The following NUMB variants were observed in gnomAD, a reference collection of about 807,000 sequenced individuals.
NUMB encodes protein numb homolog.
A neutral mutation model predicts 59.7 loss-of-function variants in NUMB; 29 were observed. That is an observed-to-expected ratio of 0.49 (90% confidence interval 0.36 to 0.66). The LOEUF (loss-of-function observed/expected upper bound fraction) is 0.66. NUMB is among the 30% of genes least tolerant of loss of function. The pLI is 0.00. For synonymous variants in NUMB, 288 were observed against 288.2 expected, an observed-to-expected ratio of 1.00 and a Z score of 0.01; for missense variants, 723 against 822.0, an observed-to-expected ratio of 0.88 and a Z score of 1.47.
rs569608969 is a variant in NUMB, at chr14:73,345,814, A to G, written c.126+9812T>C. ...TCCCAGCTACTCAGGAGGCTGAGGCAGGACAATCACTTGAACCCAGCAGGC... is the reference window on the plus strand; with the variant it reads ...TCCCAGCTACTCAGGAGGCTGAGGCGGGACAATCACTTGAACCCAGCAGGC... On this transcript the variant is annotated intron_variant, in intron 4 of 12. Coordinates refer to ENST00000555238, the MANE Select transcript of NUMB (RefSeq NM_001005743.2). Among the ~76,000 whole-genome samples, 34 of 152,192 alleles carry G rather than the reference A, an allele frequency of 2.2e-4. 1 individual carries two copies. The South Asian group carries it at 6.8e-3, about 31-fold the overall frequency.
At chr14:73,346,353 G>A (rs529391881) in intron 4 of NUMB, among the ~76,000 whole-genome samples, 1 of 151,832 alleles carries the variant, frequency 6.6e-6, no homozygotes, top group East Asian at 1.9e-4. Flanking sequence ...GGTGACACAT[G>A]TCTGTAATCC....
intron 2 of NUMB, among the ~76,000 whole-genome samples, chr14:73,379,254 G>A (rs908427946): frequency 3.3e-5 from 5 of 152,060 alleles, no homozygotes; most frequent in Non-Finnish European, 4.4e-5. Context: ...GGGAAAGCAC[G>A]TAAGTGTTGC....
At chr14:73,404,589 G>C (rs2140122680) in intron 2 of NUMB, among the ~76,000 whole-genome samples, 1 of 152,224 alleles carries the variant, frequency 6.6e-6, no homozygotes. Flanking sequence ...GGGATATACA[G>C]ATGTTCAACA....
At chr14:73,376,401 T>C (rs1435837983) in intron 2 of NUMB, among the ~76,000 whole-genome samples, 1 of 151,930 alleles carries the variant, frequency 6.6e-6, no homozygotes, top group Non-Finnish European at 1.5e-5. Flanking sequence ...TCTAAATAAA[T>C]GGAGAGACAT....
chr14:73,319,695 C>T (rs759086842), intron 5 of NUMB, among the ~76,000 whole-genome samples: 6 of 151,958 alleles, frequency 3.9e-5, no homozygotes, highest in East Asian at 1.9e-4. Context: ...CAAAAGGCAA[C>T]GAGAAATTTC....
intron 12 of NUMB, 56 bp from the exon 13 acceptor site, chr14:73,277,349 T>C: frequency 7.6e-7 from 1 of 1,313,220 alleles, no homozygotes; most frequent in East Asian, 2.5e-5. Context: ...TTTCCTCACC[T>C]TATAATCTTG....
At chr14:73,362,347 C>T (rs1894137112) in intron 3 of NUMB, among the ~76,000 whole-genome samples, 2 of 151,870 alleles carry the variant, frequency 1.3e-5, no homozygotes, top group Admixed American at 6.6e-5. Context: ...GAGACGATTC[C>T]CAGTTCCAGA....
chr14:73,440,821 C>G (rs1883008356), intron 1 of NUMB, among the ~76,000 whole-genome samples: 1 of 126,336 alleles, frequency 7.9e-6, no homozygotes, highest in African/African-American at 3.2e-5. Flanking sequence ...GAGCGAGACT[C>G]CGTCTCAAAA....
At chr14:73,356,229 TTCTG>T (rs1893774223) in intron 3 of NUMB, among the ~76,000 whole-genome samples, 3 of 152,212 alleles carry the variant, frequency 2.0e-5, no homozygotes, top group Admixed American at 2.0e-4. Context: ...AAAAAAATCA[TTCTG>T]AAACACTAAA....
intron 4 of NUMB, among the ~76,000 whole-genome samples, chr14:73,350,070 T>TACACACACGCACAC (rs765736029): frequency 9.1e-6 from 1 of 110,198 alleles, no homozygotes; most frequent in African/African-American, 4.0e-5. Context: ...TATACATACA[T>TACACACACGCACAC]ACATACATAC....
Position 73,411,889 on chromosome 14 carries a change from T to C in NUMB, c.-232-1821A>G, listed in dbSNP as rs138408647. Reference sequence around the variant, plus strand: ...TTCACCAGACAATGCAATAGTGCTGTTCCTGAATAAGAAGACAAGCAGCAA... The same window carrying C: ...TTCACCAGACAATGCAATAGTGCTGCTCCTGAATAAGAAGACAAGCAGCAA... On this transcript the variant is annotated intron_variant, in intron 1 of 12. Transcript: ENST00000555238. 4.2e-4 allele frequency among the ~76,000 whole-genome samples: 64 copies of C among 151,790 alleles called. 1 individual carries two copies. The highest frequency in any genetic ancestry group is 1.5e-3 in the African/African-American group (63 of 41,464).
At chr14:73,349,878 CAA>C (rs1282927106) in intron 4 of NUMB, among the ~76,000 whole-genome samples, 3 of 148,764 alleles carry the variant, frequency 2.0e-5, no homozygotes, top group African/African-American at 7.4e-5. Context: ...GACTCCGTCT[CAA>C]GAAAAAAAAC....
At chr14:73,403,656 A>G (rs1044689726) in intron 2 of NUMB, among the ~76,000 whole-genome samples, 5 of 152,222 alleles carry the variant, frequency 3.3e-5, no homozygotes, top group Non-Finnish European at 7.3e-5. Context: ...GAACAATAAT[A>G]TAAGCCTTCA....
chr14:73,365,364 A>C (rs781441810), intron 3 of NUMB, among the ~76,000 whole-genome samples: 6 of 152,192 alleles, frequency 3.9e-5, no homozygotes, highest in Non-Finnish European at 5.9e-5. Flanking sequence ...TTATGGAAAA[A>C]AGAGAAAGCG....
intron 5 of NUMB, among the ~76,000 whole-genome samples, chr14:73,319,365 C>T (rs1247926220): frequency 1.5e-4 from 23 of 152,152 alleles, no homozygotes; most frequent in Admixed American, 1.5e-3. Flanking sequence ...AGCTGCCTTC[C>T]AAAGATCATT....
intron 1 of NUMB, among the ~76,000 whole-genome samples, chr14:73,410,546 A>C (rs544322143): frequency 4.2e-4 from 64 of 152,334 alleles, no homozygotes; most frequent in African/African-American, 1.5e-3. Context: ...TCTTGAACAG[A>C]TGCGAGCCAT....
chr14:73,295,628 G>A (rs954644152), intron 7 of NUMB, among the ~76,000 whole-genome samples: 2 of 151,890 alleles, frequency 1.3e-5, no homozygotes, highest in African/African-American at 2.4e-5. Context: ...TAAACCACTT[G>A]AAATTTACCA....
chr14:73,345,571 TTA>T (rs1220023989), intron 4 of NUMB, among the ~76,000 whole-genome samples: 2 of 152,180 alleles, frequency 1.3e-5, no homozygotes, highest in South Asian at 2.1e-4. Context: ...AGTTTTTTGT[TTA>T]TGTCAGTTAT....
chr14:73,316,418 C>T lies in NUMB; in HGVS notation c.206G>A (p.Arg69Lys). Residue 69 changes from arginine to lysine, a missense_variant, in exon 6 of 13, where the codon AGG becomes AAG. Physicochemically the swap from Arg to Lys is conservative, Grantham distance 26. Around this residue, in one of 2 missense-constraint regions of NUMB, gnomAD observed 317 missense variants for 436.6 expected, o/e 0.73. Transcript: ENST00000555238. ...TCCAAAGAAGCCTTTGAAGAACTTC[C>T]TTTCCTGGAGGAACAGGGGGACAAG... ...EDAVKRLKAERKFFKGFFGKT... is the reference protein window; with the variant it reads ...EDAVKRLKAEKKFFKGFFGKT... The T allele has an allele frequency of 6.2e-7, 1 of 1,613,708 alleles. No individual in the cohort carries two copies. The highest frequency in any genetic ancestry group is 8.5e-7 in the Non-Finnish European group (1 of 1,179,812).
Sources: allele counts gnomAD v4.1 joint callset (sites outside exome capture counted in the v4.1 genomes callset), GRCh38; gene constraint gnomAD v4.1.1; regional missense constraint gnomAD v4.1.1; transcripts MANE v1.5; gene names NCBI Gene and HGNC (gene_info 2026-07-23, HGNC 2026-07-21).